MAP3K4: variants seen among roughly 807,000 people sequenced by gnomAD.
MAP3K4 encodes MAP three kinase 1.
In MAP3K4, 67 loss-of-function variants were observed where a neutral mutation model predicts 185.6. That is an observed-to-expected ratio of 0.36 (90% CI 0.30 to 0.44). The LOEUF (loss-of-function observed/expected upper bound fraction) is 0.44, where lower values mean the gene tolerates loss of function less well. Ranked by LOEUF, MAP3K4 falls within the 20% of genes least tolerant of loss-of-function variation. The probability of loss-of-function intolerance (pLI) is 1.00; values close to 1 mark genes in which losing one functional copy is unlikely to be tolerated. For missense variants in MAP3K4, 1,551 were observed against 1,995.1 expected (o/e 0.78, Z 4.24); for synonymous variants, 702 against 710.4 (o/e 0.99, Z 0.19).
chr6:161,089,373 A>G lies in MAP3K4; in HGVS notation c.2875A>G (p.Arg959Gly), dbSNP rs975573123. ...VMQSAHLTIQ[R>G]KAFQQSIEGL... ...GCAGTCTGCGCATCTCACAATTCAG[A>G]GAAAAGCTTTCCAGCAGTCCATTGA... The change falls in exon 11 of 27, where the codon AGA (arginine) becomes GGA (glycine). Residue 959 changes from arginine to glycine, a missense_variant. Arg to Gly is a moderately radical substitution (Grantham distance 125, BLOSUM62 -2). Around this residue, in one of 16 missense-constraint regions of MAP3K4, gnomAD observed 261 missense variants for 306.5 expected, o/e 0.85. Transcript: ENST00000392142. 7 of 1,614,108 alleles carry G rather than the reference A, an allele frequency of 4.3e-6. No homozygotes were observed. The highest frequency in any genetic ancestry group is 5.9e-6 in the Non-Finnish European group (7 of 1,180,042).
rs1021553050 is a variant in MAP3K4 at position 161,108,501 on chromosome 6, G to C, written c.4120-242G>C. Among the ~76,000 whole-genome samples the C allele has an allele frequency of 1.1e-4, 16 of 152,058 alleles. No homozygotes were observed. The highest frequency in any genetic ancestry group is 1.9e-4 in the Non-Finnish European group (13 of 68,028). On this transcript the variant is annotated intron_variant, in intron 21 of 26. Transcript: ENST00000392142. This position sits in a 1 kb window ranked among gnomAD's most constrained non-coding sequence, Gnocchi z 5.7. ...GTGGAGCCGCGTCCTCCTCCACATG[G>C]CGCTCCTCACTCCCTCTCGGAGCAG... is the stretch of plus-strand genomic sequence containing the variant.
intron 1 of MAP3K4, among the ~76,000 whole-genome samples, chr6:161,004,427 A>G (rs2115057264): frequency 6.6e-6 from 1 of 152,334 alleles, no homozygotes; most frequent in East Asian, 1.9e-4. Context: ...AAGGCTAAGC[A>G]TTTCTTCTGA....
chr6:161,045,809 C>T lies in MAP3K4; in HGVS notation c.344-2807C>T, dbSNP rs1025442333. Among the ~76,000 whole-genome samples, 5 of 152,108 alleles carry T rather than the reference C, an allele frequency of 3.3e-5. No individual in the cohort carries two copies. In the East Asian group the frequency reaches 5.8e-4, roughly 18 times the overall value. On this transcript the variant is annotated intron_variant, in intron 2 of 26. Coordinates refer to ENST00000392142, the MANE Select transcript of MAP3K4 (RefSeq NM_005922.4). ...CTATAAAGTATTTTAAAAAGCCCAA[C>T]GCCTGAGCCAACAAGATTGTTTTTT...
rs543557578 is a variant in MAP3K4, at chr6:161,035,000, A to G, written c.343+551A>G. ...TACTTTTCTCTTTATTTAGGATCGTAAAGTCCACATATTGCTCTATTAGAC... is the reference window on the plus strand; with the variant it reads ...TACTTTTCTCTTTATTTAGGATCGTGAAGTCCACATATTGCTCTATTAGAC... On this transcript the variant is annotated intron_variant, in intron 2 of 26. Transcript: ENST00000392142. This position sits in a 1 kb window ranked among gnomAD's most constrained non-coding sequence, Gnocchi z 4.4. Among the ~76,000 whole-genome samples the G allele has an allele frequency of 3.3e-5, 5 of 152,304 alleles. No homozygotes were observed. Among genetic ancestry groups the G allele is most frequent in the East Asian group, 1.9e-4 (1 of 5,170 alleles).
chr6:161,090,615 CCGTCCTGCG>C (rs2114865296), intron 11 of MAP3K4, among the ~76,000 whole-genome samples: 1 of 62,754 alleles, frequency 1.6e-5, no homozygotes, highest in East Asian at 2.6e-3. Flanking sequence ...TCATGGAGGG[CCGTCCTGCG>C]CATTGTAGGA....
At position 161,080,483 on chromosome 6, in the gene MAP3K4, A is replaced by G. The variant is rs1186115987; in HGVS notation, c.2098-398A>G. On this transcript the variant is annotated intron_variant, in intron 5 of 26. Transcript: ENST00000392142. This position sits in a 1 kb window ranked among gnomAD's most constrained non-coding sequence, Gnocchi z 4.8. ...GGTGTTGACGTCCTCCTCTCTGCACATAAGGCACCATTTCAAGCTAAAGTA... is the reference window on the plus strand; with the variant it reads ...GGTGTTGACGTCCTCCTCTCTGCACGTAAGGCACCATTTCAAGCTAAAGTA... Among the ~76,000 whole-genome samples, 4 of 152,220 alleles carry G rather than the reference A, an allele frequency of 2.6e-5. No individual in the cohort carries two copies. The highest frequency in any genetic ancestry group is 5.9e-5 in the Non-Finnish European group (4 of 68,036).
chr6:161,004,901 A>G (rs1483974180), intron 1 of MAP3K4, among the ~76,000 whole-genome samples: 4 of 152,248 alleles, frequency 2.6e-5, no homozygotes, highest in Non-Finnish European at 5.9e-5. Context: ...ACAGTCTATT[A>G]AGAGCAAACC....
In MAP3K4 at chr6:161,101,678, C is replaced by T; in HGVS notation, c.3675-214C>T. The T allele has an allele frequency of 2.1e-6, 1 of 486,260 alleles. No individual in the cohort carries two copies. The highest frequency in any genetic ancestry group is 3.7e-6 in the Non-Finnish European group (1 of 270,134). 30.1% of individuals were successfully genotyped at this position (486,260 alleles called of 1,614,324 possible). On this transcript the variant is annotated intron_variant, in intron 17 of 26. Transcript: ENST00000392142. This position sits in a 1 kb window ranked among gnomAD's most constrained non-coding sequence, Gnocchi z 5.1. Reference sequence around the variant, plus strand: ...ACAGCAGCGCTGTTCACTTAGGGGGCTGATTCTGGTGGGTCTGTCCTGTGC... The same window carrying T: ...ACAGCAGCGCTGTTCACTTAGGGGGTTGATTCTGGTGGGTCTGTCCTGTGC...
Position 161,106,592 on chromosome 6 carries a change from TGAG to T in MAP3K4, c.3939_3941del (p.Arg1314del), listed in dbSNP as rs745920738. ...TTTGAAGAAAAGAGGTACCGAGAAA[TGAG>T]GAGAAAGAATATCATTGGTCAAGTT... On this transcript the variant is annotated inframe_deletion, in exon 20 of 27. Coordinates refer to ENST00000392142, the MANE Select transcript of MAP3K4 (RefSeq NM_005922.4). This position sits in a 1 kb window ranked among gnomAD's most constrained non-coding sequence, Gnocchi z 4.9. 9.9e-6 allele frequency: 16 copies of T among 1,612,342 alleles called. No individual in the cohort carries two copies. The highest frequency in any genetic ancestry group is 1.3e-5 in the Non-Finnish European group (15 of 1,179,210).
intron 3 of MAP3K4, among the ~76,000 whole-genome samples, chr6:161,060,618 CTTTTTT>C (rs35196179): frequency 1.6e-5 from 2 of 126,414 alleles, no homozygotes; most frequent in Admixed American, 8.0e-5. Context: ...TTTTCTTTTT[CTTTTTT>C]TTTTTTTTTT....
rs1469366726 is a variant in MAP3K4, at chr6:161,075,290, G to A, written c.2097+1678G>A. ...CTGCCTCAGCCTCCCTAATAACTGGGACCACAGGCGTGTGCCACCACACCT... is the reference window on the plus strand; with the variant it reads ...CTGCCTCAGCCTCCCTAATAACTGGAACCACAGGCGTGTGCCACCACACCT... On this transcript the variant is annotated intron_variant, in intron 5 of 26. Transcript: ENST00000392142. This position sits in a 1 kb window ranked among gnomAD's most constrained non-coding sequence, Gnocchi z 4.3. Among the ~76,000 whole-genome samples the A allele has an allele frequency of 6.6e-6, 1 of 152,046 alleles. No homozygotes were observed. Among genetic ancestry groups the A allele is most frequent in the Non-Finnish European group, 1.5e-5 (1 of 68,008 alleles).
At chr6:161,085,847 G>C (rs929940563) in intron 7 of MAP3K4, among the ~76,000 whole-genome samples, 5 of 152,172 alleles carry the variant, frequency 3.3e-5, no homozygotes, top group African/African-American at 1.2e-4. Context: ...GTGTGCTGGA[G>C]CTGCTTCTCC....
At chr6:161,009,826 A>T (rs9355865) in intron 1 of MAP3K4, among the ~76,000 whole-genome samples, 1 of 152,266 alleles carries the variant, frequency 6.6e-6, no homozygotes, top group East Asian at 1.9e-4. Flanking sequence ...GAACACATGG[A>T]CACAGGGAGG....
chr6:161,101,599 T>C lies in MAP3K4; in HGVS notation c.3675-293T>C, dbSNP rs896869722. The C allele has an allele frequency of 1.3e-4, 29 of 226,646 alleles. No individual in the cohort carries two copies. The highest frequency in any genetic ancestry group is 6.1e-4 in the African/African-American group (27 of 44,252). 14.0% of individuals were successfully genotyped at this position (226,646 alleles called of 1,614,324 possible). A position where few individuals can be genotyped will look rare whatever the true frequency, so the allele number is the denominator to read the frequency against. ...GGTGTTGGCTATGGAGAGATGAAAA[T>C]GGAGCCCTCCTTCCAGACTCTAGAG... is the stretch of plus-strand genomic sequence containing the variant. On this transcript the variant is annotated intron_variant, in intron 17 of 26. Transcript: ENST00000392142. This position sits in a 1 kb window ranked among gnomAD's most constrained non-coding sequence, Gnocchi z 5.1.
rs910617869 is a variant in MAP3K4 at position 161,077,570 on chromosome 6, A to G, written c.2098-3311A>G. 7.2e-5 allele frequency among the ~76,000 whole-genome samples: 11 copies of G among 152,238 alleles called. No homozygotes were observed. Among genetic ancestry groups the G allele is most frequent in the African/African-American group, 2.7e-4 (11 of 41,466 alleles). On this transcript the variant is annotated intron_variant, in intron 5 of 26. Coordinates refer to ENST00000392142, the MANE Select transcript of MAP3K4 (RefSeq NM_005922.4). The surrounding 1 kb of genome is among the most constrained non-coding windows in gnomAD (Gnocchi z 4.3). ...CAGGTGGAGAGTAGGCTGGGGGTCCAGAGCAGATGTGAGAGGAACAGTTCA... is the reference window on the plus strand; with the variant it reads ...CAGGTGGAGAGTAGGCTGGGGGTCCGGAGCAGATGTGAGAGGAACAGTTCA...
rs190290871 is a variant in MAP3K4, at chr6:161,077,032, T to C, written c.2097+3420T>C. ...GTCAGGCTTCTCTGAGGGGGGAGCA[T>C]TGCAACTTATCGGAAATTTATATAC... On this transcript the variant is annotated intron_variant, in intron 5 of 26. Coordinates refer to ENST00000392142, the MANE Select transcript of MAP3K4 (RefSeq NM_005922.4). This position sits in a 1 kb window ranked among gnomAD's most constrained non-coding sequence, Gnocchi z 4.3. 2.3e-3 allele frequency among the ~76,000 whole-genome samples: 350 copies of C among 152,286 alleles called. 5 individuals carry two copies. The South Asian group carries it at 0.027, about 12-fold the overall frequency.
intron 2 of MAP3K4, among the ~76,000 whole-genome samples, chr6:161,039,240 A>G (rs1330462465): frequency 7.1e-6 from 1 of 140,502 alleles, no homozygotes; most frequent in African/African-American, 2.7e-5. Context: ...GGTCAGTCAT[A>G]CTGTCTTTGC....
rs1268306682 is a variant in MAP3K4, at chr6:161,096,106, A to C, written c.3428-974A>C. ...ATAGCTAGGATAATGAATCAGAGAC[A>C]CAAATTGCCTGAGGGTTTTTTGTTA... On this transcript the variant is annotated intron_variant, in intron 15 of 26. Transcript: ENST00000392142. The surrounding 1 kb of genome is among the most constrained non-coding windows in gnomAD (Gnocchi z 4.9). Among the ~76,000 whole-genome samples the C allele has an allele frequency of 6.6e-6, 1 of 152,168 alleles. No homozygotes were observed. The highest frequency in any genetic ancestry group is 1.5e-5 in the Non-Finnish European group (1 of 68,032).
chr6:161,002,345 A>G (rs562510189), intron 1 of MAP3K4, among the ~76,000 whole-genome samples: 1 of 152,290 alleles, frequency 6.6e-6, no homozygotes, highest in South Asian at 2.1e-4. Context: ...TAAGAGGAAT[A>G]GTTTTCAAAT....
Sources: gnomAD v4.1 joint callset for allele counts (sites outside exome capture counted in the v4.1 genomes callset) on GRCh38, gnomAD v4.1.1 for gene constraint, gnomAD v4.1.1 regional missense constraint, Gnocchi (gnomAD v3.1) non-coding constraint, MANE v1.5 for transcripts, NCBI Gene and HGNC (gene_info 2026-07-23, HGNC 2026-07-21) for gene names.